The following PPP3CA variants were observed in gnomAD, a reference collection of about 807,000 sequenced individuals.
The protein encoded by PPP3CA is protein phosphatase 3 catalytic subunit alpha, also known as CAM-PRP catalytic subunit.
PPP3CA carries 14 observed loss-of-function variants against 66.5 expected under a neutral mutation model. The observed-to-expected ratio is 0.21, with a 90% CI of 0.14 to 0.33. PPP3CA has a LOEUF of 0.33. Ranked by LOEUF, PPP3CA falls within the 10% of genes least tolerant of loss-of-function variation. PPP3CA has a pLI of 1.00. For synonymous variants in PPP3CA, 232 were observed against 226.2 expected (o/e 1.03, Z -0.23); for missense variants, 317 against 639.5 (o/e 0.50, Z 5.44).
chr4:101,035,689 C>A (rs1727211354), intron 11 of PPP3CA, among the ~76,000 whole-genome samples: 1 of 152,168 alleles, frequency 6.6e-6, no homozygotes, highest in Admixed American at 6.5e-5. Context: ...TCTTGTTCAA[C>A]CACATTCCTT....
chr4:101,040,668 A>ATT, intron 10 of PPP3CA, 102 bp from the exon 11 acceptor site: 73 of 718,606 alleles, frequency 1.0e-4, no homozygotes, highest in South Asian at 1.5e-4. Context: ...CAAAATCAGT[A>ATT]TTTTTTTTTT....
At chr4:101,106,561 GA>G (rs1730765667) in intron 3 of PPP3CA, among the ~76,000 whole-genome samples, 1 of 151,968 alleles carries the variant, frequency 6.6e-6, no homozygotes, top group Non-Finnish European at 1.5e-5. Flanking sequence ...GAGAAGAGCA[GA>G]AATCCTTGTC....
intron 1 of PPP3CA, among the ~76,000 whole-genome samples, chr4:101,302,710 C>G (rs1157378691): frequency 6.6e-6 from 1 of 152,044 alleles, no homozygotes; most frequent in Non-Finnish European, 1.5e-5. Context: ...TCTAAAAAAC[C>G]AGTTAATTTT....
rs145351651 is a variant in PPP3CA, at chr4:101,127,405, A to G, written c.260-18327T>C. Among the ~76,000 whole-genome samples, 35 of 152,182 alleles carry G rather than the reference A, an allele frequency of 2.3e-4. No individual in the cohort carries two copies. The East Asian group carries it at 5.6e-3, about 25-fold the overall frequency. On this transcript the variant is annotated intron_variant, in intron 2 of 13. Coordinates refer to ENST00000394854, the MANE Select transcript of PPP3CA (RefSeq NM_000944.5). ...TGATTGGGATGGGCCTTAATCCAAT[A>G]TAACTGGTGTCTTTATAATTAAAGA...
intron 1 of PPP3CA, among the ~76,000 whole-genome samples, chr4:101,334,890 T>TAA (rs539782029): frequency 6.6e-6 from 1 of 151,012 alleles, no homozygotes; most frequent in South Asian, 2.1e-4. Flanking sequence ...TGAACCACTA[T>TAA]AAAAAAAAAT....
intron 6 of PPP3CA, among the ~76,000 whole-genome samples, chr4:101,091,864 TGAA>T (rs1207424618): frequency 7.2e-6 from 1 of 139,236 alleles, no homozygotes; most frequent in African/African-American, 2.8e-5. Flanking sequence ...ATAATAATAA[TGAA>T]GAAGAGGAGG....
intron 10 of PPP3CA, among the ~76,000 whole-genome samples, chr4:101,052,929 C>T (rs1375200088): frequency 1.3e-5 from 2 of 151,950 alleles, no homozygotes; most frequent in African/African-American, 4.8e-5. Flanking sequence ...TTCCTGCTGC[C>T]TCCCCTAAAC....
chr4:101,305,976 A>G (rs1214470314), intron 1 of PPP3CA, among the ~76,000 whole-genome samples: 1 of 152,006 alleles, frequency 6.6e-6, no homozygotes, highest in African/African-American at 2.4e-5. Flanking sequence ...GTGAAGTAGG[A>G]GATTTTTTTT....
At chr4:101,280,964 T>A (rs71613831) in intron 1 of PPP3CA, among the ~76,000 whole-genome samples, 2,995 of 149,574 alleles carry the variant, frequency 0.02, 36 homozygotes, top group Non-Finnish European at 0.033. Flanking sequence ...AAAGAAGAAA[T>A]AGGAAAAAAA....
At position 101,242,854 on chromosome 4, in the gene PPP3CA, G is replaced by A. The variant is rs577967112; in HGVS notation, c.59-46738C>T. Among the ~76,000 whole-genome samples, 10 of 152,214 alleles carry A rather than the reference G, an allele frequency of 6.6e-5. No individual in the cohort carries two copies. The South Asian group carries it at 2.1e-3, about 32-fold the overall frequency. On this transcript the variant is annotated intron_variant, in intron 1 of 13. Coordinates refer to ENST00000394854, the MANE Select transcript of PPP3CA (RefSeq NM_000944.5). ...GGGGCAGGAGGATCACTGTAGCCCA[G>A]GAGTTGGAGGCTGCAGTAAGCTATG...
intron 1 of PPP3CA, among the ~76,000 whole-genome samples, chr4:101,223,697 C>T (rs1725695623): frequency 1.3e-5 from 2 of 151,808 alleles, no homozygotes; most frequent in Admixed American, 1.3e-4. Context: ...ATAAACCAAA[C>T]TAATGCTTTT....
intron 10 of PPP3CA, among the ~76,000 whole-genome samples, chr4:101,042,803 CTTTTTT>C (rs534973228): frequency 1.7e-5 from 2 of 117,688 alleles, no homozygotes; most frequent in African/African-American, 5.8e-5. Flanking sequence ...AAGACTTTTT[CTTTTTT>C]TTTTTTTTTT....
intron 1 of PPP3CA, among the ~76,000 whole-genome samples, chr4:101,336,711 T>A (rs758876089): frequency 1.3e-5 from 2 of 152,092 alleles, no homozygotes; most frequent in Non-Finnish European, 2.9e-5. Flanking sequence ...AAGCATCAGA[T>A]TGTAATCAAG....
chr4:101,316,503 A>G (rs1473609456), intron 1 of PPP3CA, among the ~76,000 whole-genome samples: 1 of 152,180 alleles, frequency 6.6e-6, no homozygotes, highest in Non-Finnish European at 1.5e-5. Context: ...TGTTTTATAA[A>G]TACTAATGTT....
chr4:101,143,145 T>A (rs1403657680), intron 2 of PPP3CA, among the ~76,000 whole-genome samples: 1 of 152,050 alleles, frequency 6.6e-6, no homozygotes, highest in Non-Finnish European at 1.5e-5. Flanking sequence ...TGTTTTCTGG[T>A]TCTCTACTTC....
intron 1 of PPP3CA, among the ~76,000 whole-genome samples, chr4:101,331,827 CTATAT>C (rs904965451): frequency 6.6e-6 from 1 of 151,992 alleles, no homozygotes; most frequent in Admixed American, 6.6e-5. Flanking sequence ...GTAACATATG[CTATAT>C]TATAAATATT....
chr4:101,161,940 G>A (rs1723525059), intron 2 of PPP3CA, among the ~76,000 whole-genome samples: 1 of 152,048 alleles, frequency 6.6e-6, no homozygotes, highest in Admixed American at 6.6e-5. Context: ...CCACATCGAG[G>A]TTAAAAAAAG....
intron 6 of PPP3CA, among the ~76,000 whole-genome samples, chr4:101,083,822 G>A (rs1456826989): frequency 6.6e-6 from 1 of 152,064 alleles, no homozygotes; most frequent in Admixed American, 6.5e-5. Flanking sequence ...CTAACATTAT[G>A]GGTACAATAA....
At chr4:101,289,150 T>G (rs985240204) in intron 1 of PPP3CA, among the ~76,000 whole-genome samples, 3 of 152,110 alleles carry the variant, frequency 2.0e-5, no homozygotes, top group Non-Finnish European at 4.4e-5. Context: ...TAAAATATAC[T>G]CAAAAGAAAA....
Sources: gnomAD v4.1 joint callset for allele counts (sites outside exome capture counted in the v4.1 genomes callset) on GRCh38, gnomAD v4.1.1 for gene constraint, MANE v1.5 for transcripts, NCBI Gene and HGNC (gene_info 2026-07-23, HGNC 2026-07-21) for gene names.